The following ARHGAP10 variants were observed in gnomAD, a reference collection of about 807,000 sequenced individuals.
ARHGAP10 encodes the protein Rho GTPase activating protein 10.
A neutral mutation model predicts 108.6 loss-of-function variants in ARHGAP10; 87 were observed. That is an observed-to-expected ratio of 0.80 (90% confidence interval 0.67 to 0.96). The LOEUF (loss-of-function observed/expected upper bound fraction) is 0.96, where lower values mean the gene tolerates loss of function less well. Ranked by LOEUF, ARHGAP10 falls within the 40% of genes least tolerant of loss-of-function variation. ARHGAP10 has a pLI of 0.00. For synonymous variants in ARHGAP10, 347 were observed against 341.1 expected (o/e 1.02, Z -0.19); for missense variants, 939 against 954.5 (o/e 0.98, Z 0.21).
chr4:147,861,071 C>T (rs1336444920), intron 5 of ARHGAP10: 1 of 152,256 alleles, frequency 6.6e-6, no homozygotes, highest in Admixed American at 6.5e-5. Flanking sequence ...TCTGCCTGCT[C>T]TTCCTGGCAG....
intron 4 of ARHGAP10, among the ~76,000 whole-genome samples, chr4:147,855,782 A>G (rs929289719): frequency 8.0e-5 from 12 of 149,918 alleles, no homozygotes; most frequent in African/African-American, 2.2e-4. Flanking sequence ...CTCCTCCTCC[A>G]TCAGTGTGGG....
rs541201120 is a variant in ARHGAP10, at chr4:147,816,991, G to A, written c.155-5736G>A. ...GGCAGCTCCCTCAGCAGACCTTTGC[G>A]TAGTTGATAATCTAATTATGTGGCT... On this transcript the variant is annotated intron_variant, in intron 1 of 22. Transcript: ENST00000336498. 3.3e-5 allele frequency among the ~76,000 whole-genome samples: 5 copies of A among 152,234 alleles called. 1 individual carries two copies. Among genetic ancestry groups the A allele is most frequent in the African/African-American group, 4.8e-5 (2 of 41,518 alleles).
intron 19 of ARHGAP10, among the ~76,000 whole-genome samples, chr4:148,045,885 TG>T (rs1202531330): frequency 6.6e-6 from 1 of 152,126 alleles, no homozygotes; most frequent in Non-Finnish European, 1.5e-5. Flanking sequence ...TACAAGCTGT[TG>T]GGGGCTGGGG....
intron 4 of ARHGAP10, among the ~76,000 whole-genome samples, chr4:147,852,722 TTTTTTTTTA>T (rs1204776303): frequency 1.9e-4 from 7 of 35,946 alleles, no homozygotes; most frequent in East Asian, 1.1e-3. Context: ...TTTTTTTTTT[TTTTTTTTTA>T]AAATGGAGCG....
At chr4:147,789,244 G>A (rs545270169) in intron 1 of ARHGAP10, among the ~76,000 whole-genome samples, 37 of 152,284 alleles carry the variant, frequency 2.4e-4, no homozygotes, top group African/African-American at 8.2e-4. Flanking sequence ...TCATCAAGGT[G>A]CATTTCTATT....
At chr4:148,070,853 A>G (rs981397376) in intron 22 of ARHGAP10, among the ~76,000 whole-genome samples, 2 of 152,054 alleles carry the variant, frequency 1.3e-5, no homozygotes, top group Admixed American at 6.6e-5. Flanking sequence ...TGGGGGTTTG[A>G]GCTGGGGCCT....
At chr4:148,068,988 A>G (rs1044113849) in intron 22 of ARHGAP10, among the ~76,000 whole-genome samples, 16 of 152,150 alleles carry the variant, frequency 1.1e-4, no homozygotes, top group Non-Finnish European at 1.5e-4. Flanking sequence ...ACCTGCAGGC[A>G]TAGGGAGGGT....
chr4:147,909,486 ACTCACATGTGAC>A, intron 11 of ARHGAP10, among the ~76,000 whole-genome samples: 1 of 152,260 alleles, frequency 6.6e-6, no homozygotes, highest in African/African-American at 2.4e-5. Flanking sequence ...ATTAGCATAA[ACTCACATGTGAC>A]CAAAAGGATC....
At chr4:147,977,766 T>C (rs557219799) in intron 18 of ARHGAP10, among the ~76,000 whole-genome samples, 51 of 152,236 alleles carry the variant, frequency 3.4e-4, no homozygotes, top group African/African-American at 1.1e-3. Flanking sequence ...ATGGTGAACA[T>C]AGTACTCAAC....
chr4:147,741,229 AT>A, intron 1 of ARHGAP10, among the ~76,000 whole-genome samples: 1 of 152,318 alleles, frequency 6.6e-6, no homozygotes, highest in Non-Finnish European at 1.5e-5. Context: ...CCTTATTGAA[AT>A]TTGTTTTATA....
At chr4:147,998,896 A>G (rs1578774451) in intron 18 of ARHGAP10, among the ~76,000 whole-genome samples, 2 of 152,258 alleles carry the variant, frequency 1.3e-5, no homozygotes, top group African/African-American at 4.8e-5. Context: ...AACATGACTT[A>G]CTATTTCTAT....
chr4:147,979,507 A>G (rs185423532), intron 18 of ARHGAP10, among the ~76,000 whole-genome samples: 1 of 150,806 alleles, frequency 6.6e-6, no homozygotes, highest in East Asian at 1.9e-4. Flanking sequence ...GATTGCCTTG[A>G]CTGTTGAGGC....
intron 1 of ARHGAP10, among the ~76,000 whole-genome samples, chr4:147,746,198 G>A (rs1339919424): frequency 2.0e-5 from 3 of 151,794 alleles, no homozygotes; most frequent in Non-Finnish European, 4.4e-5. Flanking sequence ...CTGCCTCCGG[G>A]GTTAAAGCGA....
At chr4:148,013,674 C>T (rs991181881) in intron 18 of ARHGAP10, among the ~76,000 whole-genome samples, 2 of 151,888 alleles carry the variant, frequency 1.3e-5, no homozygotes, top group Non-Finnish European at 2.9e-5. Context: ...GGTGACAGAG[C>T]GAGACTCCAT....
intron 1 of ARHGAP10, among the ~76,000 whole-genome samples, chr4:147,764,627 G>A (rs929464590): frequency 6.6e-6 from 1 of 152,084 alleles, no homozygotes; most frequent in Non-Finnish European, 1.5e-5. Flanking sequence ...TCCGCCTCTT[G>A]GGTTCAAGGG....
intron 18 of ARHGAP10, among the ~76,000 whole-genome samples, chr4:147,970,462 G>T (rs1445472745): frequency 1.3e-5 from 2 of 152,120 alleles, no homozygotes; most frequent in African/African-American, 4.8e-5. Flanking sequence ...GGTTAAACTG[G>T]GGAGGAAAGG....
intron 10 of ARHGAP10, among the ~76,000 whole-genome samples, chr4:147,896,507 C>A (rs1735998830): frequency 6.6e-6 from 1 of 152,032 alleles, no homozygotes; most frequent in South Asian, 2.1e-4. Context: ...CCTTTCATAT[C>A]TATAGGATTT....
intron 22 of ARHGAP10, among the ~76,000 whole-genome samples, chr4:148,066,352 A>G (rs943607652): frequency 6.6e-6 from 1 of 152,226 alleles, no homozygotes; most frequent in African/African-American, 2.4e-5. Flanking sequence ...ATTTAGACCA[A>G]TGAGAATCAC....
intron 13 of ARHGAP10, among the ~76,000 whole-genome samples, chr4:147,925,330 C>T (rs1335737892): frequency 6.6e-6 from 1 of 152,192 alleles, no homozygotes; most frequent in Non-Finnish European, 1.5e-5. Context: ...CGAGACACAA[C>T]ATTAGGCCTT....
Sources: gnomAD v4.1 joint callset for allele counts (sites outside exome capture counted in the v4.1 genomes callset) on GRCh38, gnomAD v4.1.1 for gene constraint, MANE v1.5 for transcripts, NCBI Gene and HGNC (gene_info 2026-07-23, HGNC 2026-07-21) for gene names.